SLC36A1: variants seen among roughly 807,000 people sequenced by gnomAD.
SLC36A1 encodes the protein solute carrier family 36 member 1, also known as proton-coupled amino acid transporter 1.
SLC36A1 carries 30 observed loss-of-function variants against 47.5 expected under a neutral mutation model. That is an observed-to-expected ratio of 0.63 (90% CI 0.47 to 0.86). SLC36A1 has a LOEUF of 0.86. Ranked by LOEUF, SLC36A1 falls within the 40% of genes least tolerant of loss-of-function variation. SLC36A1 has a pLI of 0.00. For synonymous variants in SLC36A1, 255 were observed against 249.7 expected (o/e 1.02, Z -0.20); for missense variants, 517 against 606.0 (o/e 0.85, Z 1.54).
chr5:151,406,346 A>G, the SLC36A1 span: 1 of 152,276 alleles, frequency 6.6e-6, no homozygotes, highest in Non-Finnish European at 1.5e-5. Flanking sequence ...GGATGAAAAA[A>G]AACAGTATTC....
Position 151,453,778 on chromosome 5 carries a change from T to TAAA in SLC36A1, c.-5-5000_-5-4998dup, listed in dbSNP as rs568610788. Among the ~76,000 whole-genome samples, 59 of 146,428 alleles carry TAAA rather than the reference T, an allele frequency of 4.0e-4. 1 individual carries two copies. The highest frequency in any genetic ancestry group is 1.3e-3 in the African/African-American group (51 of 40,260). On this transcript the variant is annotated intron_variant, in intron 1 of 10. Transcript: ENST00000243389. ...ATTAGAAAAATTTCTGGCCTTGCCT[T>TAAA]AAAAAAAAAAAATCACTGTAGAATT... is the stretch of plus-strand genomic sequence containing the variant.
chr5:151,398,072 C>G, the SLC36A1 span, among the ~76,000 whole-genome samples: 7 of 152,234 alleles, frequency 4.6e-5, no homozygotes, highest in Admixed American at 4.6e-4. Flanking sequence ...AAGCCAAAGT[C>G]GCACCACTGC....
chr5:151,412,292 TGA>T, the SLC36A1 span, among the ~76,000 whole-genome samples: 1 of 144,738 alleles, frequency 6.9e-6, no homozygotes, highest in South Asian at 2.5e-4. Context: ...AAAATTATAA[TGA>T]GAGAGATATA....
the SLC36A1 span, among the ~76,000 whole-genome samples, chr5:151,515,374 C>G: frequency 2.0e-5 from 3 of 152,182 alleles, no homozygotes; most frequent in Non-Finnish European, 4.4e-5. Context: ...TTGGTGATCT[C>G]CCATCTCATG....
chr5:151,435,734 G>A, upstream of SLC36A1, among the ~76,000 whole-genome samples: 1 of 150,508 alleles, frequency 6.6e-6, no homozygotes. Context: ...ATAAAATAAG[G>A]GAAAATTAAT....
chr5:151,353,446 T>C, the SLC36A1 span, among the ~76,000 whole-genome samples: 2 of 152,104 alleles, frequency 1.3e-5, no homozygotes, highest in African/African-American at 4.8e-5. Context: ...CACAGCAAAA[T>C]TGAGCCAAAG....
chr5:151,520,281 A>G, the SLC36A1 span, among the ~76,000 whole-genome samples: 1 of 152,238 alleles, frequency 6.6e-6, no homozygotes, highest in African/African-American at 2.4e-5. Context: ...CTTGGCCTTA[A>G]TGCCAGGGAT....
the SLC36A1 span, among the ~76,000 whole-genome samples, chr5:151,398,367 G>A: frequency 2.0e-4 from 30 of 152,304 alleles, no homozygotes; most frequent in Admixed American, 3.9e-4. Flanking sequence ...TCGGGTGTAA[G>A]GTGACCCGCA....
chr5:151,519,037 A>C, the SLC36A1 span, among the ~76,000 whole-genome samples: 1 of 152,206 alleles, frequency 6.6e-6, no homozygotes. Context: ...ATGAGGCACA[A>C]GGGATTATAA....
At chr5:151,351,523 A>G in the SLC36A1 span, among the ~76,000 whole-genome samples, 275 of 152,266 alleles carry the variant, frequency 1.8e-3, 2 homozygotes, top group African/African-American at 6.2e-3. Context: ...GGTCAGTGGC[A>G]TCAGCAAGTG....
the SLC36A1 span, among the ~76,000 whole-genome samples, chr5:151,393,192 A>G: frequency 4.6e-5 from 7 of 151,704 alleles, no homozygotes; most frequent in African/African-American, 1.7e-4. Context: ...TTGTTGGTTT[A>G]AAGTCTGTTT....
the SLC36A1 span, among the ~76,000 whole-genome samples, chr5:151,427,773 C>T: frequency 1.3e-5 from 2 of 152,182 alleles, no homozygotes; most frequent in African/African-American, 2.4e-5. Context: ...ATCTCTCCAA[C>T]ATAAGGCGAG....
At chr5:151,539,649 T>G in the SLC36A1 span, among the ~76,000 whole-genome samples, 9 of 152,330 alleles carry the variant, frequency 5.9e-5, no homozygotes, top group South Asian at 1.9e-3. Context: ...GTTAGCAGTT[T>G]AACTTTATCT....
At chr5:151,498,159 G>T in the SLC36A1 span, among the ~76,000 whole-genome samples, 1 of 152,014 alleles carries the variant, frequency 6.6e-6, no homozygotes, top group South Asian at 2.1e-4. Flanking sequence ...TGGCCAGGCT[G>T]GTCTCGAACT....
chr5:151,532,073 T>G, the SLC36A1 span: 1 of 1,458,896 alleles, frequency 6.9e-7, no homozygotes, highest in Non-Finnish European at 9.3e-7. Context: ...GGGGCTCCCA[T>G]GAAGGCGGAC....
chr5:151,441,994 T>A (rs2127441382), intron 1 of SLC36A1, among the ~76,000 whole-genome samples: 1 of 152,272 alleles, frequency 6.6e-6, no homozygotes, highest in Non-Finnish European at 1.5e-5. Flanking sequence ...TTTATATTAT[T>A]TTGTATTTTC....
chr5:151,495,922 G>C (rs1437715662), downstream of SLC36A1, among the ~76,000 whole-genome samples: 1 of 152,172 alleles, frequency 6.6e-6, no homozygotes, highest in Non-Finnish European at 1.5e-5. Flanking sequence ...GTCACTGAAA[G>C]AAATGTGCAG....
chr5:151,480,127 A>G lies in SLC36A1; in HGVS notation c.1159+638A>G, dbSNP rs146179972. 668 of 1,466,620 alleles carry G rather than the reference A, an allele frequency of 4.6e-4. 6 individuals are homozygous for G. In the East Asian group the frequency reaches 0.015, roughly 33 times the overall value. 90.9% of individuals were successfully genotyped at this position (1,466,620 alleles called of 1,614,324 possible). ...AAAACTGGTGACATTTAGAAAATAA[A>G]AGTAAATTTTTTTTGTAGCTTCTGT... On this transcript the variant is annotated intron_variant, in intron 10 of 10. Coordinates refer to ENST00000243389, the MANE Select transcript of SLC36A1 (RefSeq NM_078483.4).
At chr5:151,418,109 T>A in the SLC36A1 span, among the ~76,000 whole-genome samples, 2 of 152,190 alleles carry the variant, frequency 1.3e-5, no homozygotes, top group Non-Finnish European at 1.5e-5. Flanking sequence ...GAACTGAGGT[T>A]TGGGAACCTC....
Sources: allele counts gnomAD v4.1 joint callset (sites outside exome capture counted in the v4.1 genomes callset), GRCh38; gene constraint gnomAD v4.1.1; transcripts MANE v1.5; gene names NCBI Gene and HGNC (gene_info 2026-07-23, HGNC 2026-07-21).